Variants in PCDHB1 observed in about 807,000 individuals in gnomAD.
PCDHB1 encodes protocadherin beta 1.
PCDHB1 carries 44 observed loss-of-function variants against 43.5 expected under a neutral mutation model. That is an observed-to-expected ratio of 1.01 (90% confidence interval 0.79 to 1.30). The LOEUF (loss-of-function observed/expected upper bound fraction) is 1.30. Ranked by LOEUF, PCDHB1 falls within the 50% of genes most tolerant of loss-of-function variation. The pLI is 0.00. For synonymous variants in PCDHB1, 392 were observed against 400.8 expected, an observed-to-expected ratio of 0.98 and a Z score of 0.26; for missense variants, 919 against 1,008.9, an observed-to-expected ratio of 0.91 and a Z score of 1.21.
chr5:141,051,703 AC>A lies in PCDHB1; in HGVS notation c.235del (p.Arg79AlafsTer8). ...GGCAACAAAATGCATTTCCGGCTCC[AC>A]CGCAAGACGGGAGATTTGTTTGTGA... is the stretch of plus-strand genomic sequence containing the variant. The part of the protein sequence containing the change: ...SEGNKMHFRL[H>X]RKTGDLFVKE... On this transcript the variant is annotated frameshift_variant, in exon 1 of 1. Transcript: ENST00000306549. LOFTEE classifies it high-confidence loss of function. 1.2e-6 allele frequency: 2 copies of A among 1,614,206 alleles called. No homozygotes were observed. Among genetic ancestry groups the A allele is most frequent in the Non-Finnish European group, 1.7e-6 (2 of 1,180,042 alleles).
chr5:141,051,381 G>A lies in PCDHB1; in HGVS notation c.-90G>A. 3 of 1,394,894 alleles carry A rather than the reference G, an allele frequency of 2.2e-6. No homozygotes were observed. The highest frequency in any genetic ancestry group is 3.0e-6 in the Non-Finnish European group (3 of 1,006,086). The allele number at this position is 1,394,894 out of a possible 1,614,324, so 86.4% of individuals were successfully genotyped here. ...TGCAGTTAGAGGCTAGTGAAGCGGA[G>A]AGCAGCTGTTGCAGTAACCTGTTGC... On this transcript the variant is annotated 5_prime_UTR_variant, in exon 1 of 1. Transcript: ENST00000306549.
Position 141,055,142 on chromosome 5 carries a change from G to T in PCDHB1, c.*1215G>T. On this transcript the variant is annotated 3_prime_UTR_variant, in exon 1 of 1. Coordinates refer to ENST00000306549, the MANE Select transcript of PCDHB1 (RefSeq NM_013340.4). ...GGTGAGGAAAAAAATAAAGTATGAC[G>T]GCTGGGCACCGTGGCTCATGGCTGT... is the stretch of plus-strand genomic sequence containing the variant. 1 of 152,112 alleles carries T rather than the reference G, an allele frequency of 6.6e-6. No homozygotes were observed. Among genetic ancestry groups the T allele is most frequent in the East Asian group, 1.9e-4 (1 of 5,196 alleles). The allele number at this position is 152,112 out of a possible 1,614,324, so 9.4% of individuals were successfully genotyped here.
At position 141,057,766 on chromosome 5, in the gene PCDHB1, A is replaced by C. The variant is rs2154005816; in HGVS notation, c.*3839A>C. ...CAATCCTACCTGATAACTTAAAATA[A>C]GAATATATCAATTCACTGAATGTGA... On this transcript the variant is annotated 3_prime_UTR_variant, in exon 1 of 1. Coordinates refer to ENST00000306549, the MANE Select transcript of PCDHB1 (RefSeq NM_013340.4). The C allele has an allele frequency of 6.6e-6, 1 of 152,278 alleles. No homozygotes were observed. Among genetic ancestry groups the C allele is most frequent in the South Asian group, 2.1e-4 (1 of 4,830 alleles). The allele number at this position is 152,278 out of a possible 1,614,324, so 9.4% of individuals were successfully genotyped here. A position where few individuals can be genotyped will look rare whatever the true frequency, so the allele number is the denominator to read the frequency against.
rs1482403309 is a variant in PCDHB1 at position 141,057,465 on chromosome 5, C to T, written c.*3538C>T. The T allele has an allele frequency of 4.0e-5, 6 of 149,948 alleles. No individual in the cohort carries two copies. Among genetic ancestry groups the T allele is most frequent in the Admixed American group, 2.0e-4 (3 of 15,044 alleles). The allele number at this position is 149,948 out of a possible 1,614,324, so 9.3% of individuals were successfully genotyped here. Reference sequence around the variant, plus strand: ...GCTGAGGCAGGAGAATTGCTTGCACCCAGGAGGTGGAGGTTGCAGTGAGCT... The same window carrying T: ...GCTGAGGCAGGAGAATTGCTTGCACTCAGGAGGTGGAGGTTGCAGTGAGCT... On this transcript the variant is annotated 3_prime_UTR_variant, in exon 1 of 1. Transcript: ENST00000306549.
Position 141,052,760 on chromosome 5 carries a change from T to A in PCDHB1, c.1290T>A (p.Pro430=). Residue 430 remains proline, a synonymous_variant, in exon 1 of 1, where the codon CCT becomes CCA. Transcript: ENST00000306549. ...ITIVAMDTGP[P]SLSAETMIEV... ...TTGTTGCCATGGATACTGGACCACC[T>A]AGCTTGTCTGCCGAGACTATGATAG... The A allele has an allele frequency of 6.2e-7, 1 of 1,614,148 alleles. No homozygotes were observed.
Position 141,051,625 on chromosome 5 carries a change from T to C in PCDHB1, c.155T>C (p.Leu52Pro). The C allele has an allele frequency of 1.2e-6, 2 of 1,614,214 alleles. No homozygotes were observed. Among genetic ancestry groups the C allele is most frequent in the Non-Finnish European group, 1.7e-6 (2 of 1,180,038 alleles). ...GSFVANVAKD[L>P]GLEVGKLAAR... The stretch of plus-strand genomic sequence containing the variant: ...TTTGTGGCCAACGTAGCTAAGGACC[T>C]AGGACTGGAGGTAGGGAAGCTGGCT... Residue 52 changes from leucine (L) to proline (P), a missense_variant, in exon 1 of 1, where the codon CTA becomes CCA. Transcript: ENST00000306549.
chr5:141,053,391 T>TTGA lies in PCDHB1; in HGVS notation c.1923_1925dup (p.Leu641_Ile642insMet). The TTGA allele has an allele frequency of 6.2e-7, 1 of 1,614,198 alleles. No individual in the cohort carries two copies. Among genetic ancestry groups the TTGA allele is most frequent in the African/African-American group, 1.3e-5 (1 of 75,036 alleles). On this transcript the variant is annotated inframe_insertion, in exon 1 of 1. Coordinates refer to ENST00000306549, the MANE Select transcript of PCDHB1 (RefSeq NM_013340.4). ...TGAGAGAGACCCCATGATGCAGAAA[T>TTGA]TGATCATTCTTGTTCAGGATCACGG...
Position 141,058,841 on chromosome 5 carries a change from T to C in PCDHB1, c.*4914T>C, listed in dbSNP as rs1167228030. On this transcript the variant is annotated 3_prime_UTR_variant, in exon 1 of 1. Transcript: ENST00000306549. ...CTTCTGGAAGGAAAACTTGTTACTTTCCCCCCCACTTATTTAGTTAGTTAT... is the reference window on the plus strand; with the variant it reads ...CTTCTGGAAGGAAAACTTGTTACTTCCCCCCCCACTTATTTAGTTAGTTAT... 3 of 151,892 alleles carry C rather than the reference T, an allele frequency of 2.0e-5. No homozygotes were observed. Among genetic ancestry groups the C allele is most frequent in the Non-Finnish European group, 4.4e-5 (3 of 67,944 alleles). The allele number at this position is 151,892 out of a possible 1,614,324, so 9.4% of individuals were successfully genotyped here. A position where few individuals can be genotyped will look rare whatever the true frequency, so the allele number is the denominator to read the frequency against.
rs781946694 is a variant in PCDHB1 at position 141,053,361 on chromosome 5, A to G, written c.1891A>G (p.Ile631Val). 9.3e-6 allele frequency: 15 copies of G among 1,614,088 alleles called. No individual in the cohort carries two copies. The highest frequency in any genetic ancestry group is 5.3e-5 in the African/African-American group (4 of 74,922). Residue 631 changes from isoleucine (I) to valine (V), a missense_variant, in exon 1 of 1, where the codon ATA (isoleucine) becomes GTA (valine). Coordinates refer to ENST00000306549, the MANE Select transcript of PCDHB1 (RefSeq NM_013340.4). ...TGGAGAAATCCATACATTAAGGCAGATATCTGAGAGAGACCCCATGATGCA... is the reference window on the plus strand; with the variant it reads ...TGGAGAAATCCATACATTAAGGCAGGTATCTGAGAGAGACCCCATGATGCA... Reference protein sequence around the residue: ...QNGEIHTLRQISERDPMMQKL... With the variant: ...QNGEIHTLRQVSERDPMMQKL...
rs1554267328 is a variant in PCDHB1 at position 141,052,863 on chromosome 5, AAC to A, written c.1395_1396del (p.Asn465LysfsTer12). ...CTATATCTTGACTGTTCGAGAAAAC[AAC>A]AGTCCTGCGGTTTTTATTGGCAAAG... Reference protein sequence around the residue: ...DSYILTVRENNSPAVFIGKVH... With the variant: ...DSYILTVRENXSPAVFIGKVH... On this transcript the variant is annotated frameshift_variant, in exon 1 of 1. Coordinates refer to ENST00000306549, the MANE Select transcript of PCDHB1 (RefSeq NM_013340.4). LOFTEE classifies it high-confidence loss of function. 1 of 1,614,228 alleles carries A rather than the reference AAC, an allele frequency of 6.2e-7. No individual in the cohort carries two copies. The highest frequency in any genetic ancestry group is 8.5e-7 in the Non-Finnish European group (1 of 1,180,042).
chr5:141,059,157 AATAGAT>A lies in PCDHB1; in HGVS notation c.*5234_*5239del, dbSNP rs1554268017. On this transcript the variant is annotated 3_prime_UTR_variant, in exon 1 of 1. Coordinates refer to ENST00000306549, the MANE Select transcript of PCDHB1 (RefSeq NM_013340.4). The stretch of plus-strand genomic sequence containing the variant: ...ATTTTAAATTAGTCATACATTTTAA[AATAGAT>A]ATAAACTGAAAATTTTAAAATTTGT... 1 of 152,162 alleles carries A rather than the reference AATAGAT, an allele frequency of 6.6e-6. No homozygotes were observed. The highest frequency in any genetic ancestry group is 1.5e-5 in the Non-Finnish European group (1 of 67,992). 9.4% of individuals were successfully genotyped at this position (152,162 alleles called of 1,614,324 possible).
Position 141,052,959 on chromosome 5 carries a change from G to A in PCDHB1, c.1489G>A (p.Gly497Arg), listed in dbSNP as rs782348063. The change falls in exon 1 of 1, where the codon GGA becomes AGA. Residue 497 changes from glycine to arginine, a missense_variant. By Grantham distance (125) the Gly-to-Arg change is moderately radical. Transcript: ENST00000306549. ...ITYSLLPPKN[G>R]DLSVFAYISI... ...ATATTCTCTGTTGCCTCCAAAAAAC[G>A]GAGATCTTTCAGTCTTTGCTTACAT... is the stretch of plus-strand genomic sequence containing the variant. 36 of 1,614,160 alleles carry A rather than the reference G, an allele frequency of 2.2e-5. No homozygotes were observed. The East Asian group carries it at 5.8e-4, about 26-fold the overall frequency.
In PCDHB1 at chr5:141,055,702, TGCAAACTGAGAAAAAGTG is replaced by T. The variant is rs1554267768; in HGVS notation, c.*1779_*1796del. 1 of 152,214 alleles carries T rather than the reference TGCAAACTGAGAAAAAGTG, an allele frequency of 6.6e-6. No individual in the cohort carries two copies. The highest frequency in any genetic ancestry group is 1.5e-5 in the Non-Finnish European group (1 of 68,032). The allele number at this position is 152,214 out of a possible 1,614,324, so 9.4% of individuals were successfully genotyped here. A position where few individuals can be genotyped will look rare whatever the true frequency, so the allele number is the denominator to read the frequency against. ...CTCTGAGTATTCTGAAGTTAACACA[TGCAAACTGAGAAAAAGTG>T]GCATTTTTAGTAAATCATTCATAAA... On this transcript the variant is annotated 3_prime_UTR_variant, in exon 1 of 1. Coordinates refer to ENST00000306549, the MANE Select transcript of PCDHB1 (RefSeq NM_013340.4).
chr5:141,058,245 A>T lies in PCDHB1; in HGVS notation c.*4318A>T. The T allele has an allele frequency of 6.6e-6, 1 of 152,188 alleles. No individual in the cohort carries two copies. The highest frequency in any genetic ancestry group is 1.9e-4 in the East Asian group (1 of 5,198). 9.4% of individuals were successfully genotyped at this position (152,188 alleles called of 1,614,324 possible). A position where few individuals can be genotyped will look rare whatever the true frequency, so the allele number is the denominator to read the frequency against. On this transcript the variant is annotated 3_prime_UTR_variant, in exon 1 of 1. Transcript: ENST00000306549. The stretch of plus-strand genomic sequence containing the variant: ...TGCAAAGCATTTGTTATGGCTCCTT[A>T]GTCTCTACCACCTGTGACAGTTCCT...
At position 141,055,902 on chromosome 5, in the gene PCDHB1, C is replaced by G. The variant is rs1554267775; in HGVS notation, c.*1975C>G. 3 of 152,094 alleles carry G rather than the reference C, an allele frequency of 2.0e-5. No individual in the cohort carries two copies. 9.4% of individuals were successfully genotyped at this position (152,094 alleles called of 1,614,324 possible). On this transcript the variant is annotated 3_prime_UTR_variant, in exon 1 of 1. Coordinates refer to ENST00000306549, the MANE Select transcript of PCDHB1 (RefSeq NM_013340.4). ...ACACTGCTAACTGTGCCTTGAAAGTCAAAAGTTTGCTTTAGAGAAGGGCAT... is the reference window on the plus strand; with the variant it reads ...ACACTGCTAACTGTGCCTTGAAAGTGAAAAGTTTGCTTTAGAGAAGGGCAT...
chr5:141,052,393 A>G lies in PCDHB1; in HGVS notation c.923A>G (p.Asp308Gly). 1 of 1,614,220 alleles carries G rather than the reference A, an allele frequency of 6.2e-7. No homozygotes were observed. The highest frequency in any genetic ancestry group is 8.5e-7 in the Non-Finnish European group (1 of 1,180,028). Reference sequence around the variant, plus strand: ...GAAGTTCGACTAAGAGGACCCCTCGATTTTGAAGCCATTGAAACATACGAC... The same window carrying G: ...GAAGTTCGACTAAGAGGACCCCTCGGTTTTGAAGCCATTGAAACATACGAC... ...NGEVRLRGPL[D>G]FEAIETYDID... The change falls in exon 1 of 1, where the codon GAT (aspartate) becomes GGT (glycine). Residue 308 changes from aspartate (D) to glycine (G), a missense_variant. By Grantham distance (94) the Asp-to-Gly change is moderately conservative. Transcript: ENST00000306549.
In PCDHB1 at chr5:141,058,822, GA is replaced by G; in HGVS notation, c.*4897del. The G allele has an allele frequency of 6.6e-6, 1 of 151,992 alleles. No individual in the cohort carries two copies. The highest frequency in any genetic ancestry group is 3.4e-3 in the Middle Eastern group (1 of 292). 9.4% of individuals were successfully genotyped at this position (151,992 alleles called of 1,614,324 possible). A position where few individuals can be genotyped will look rare whatever the true frequency, so the allele number is the denominator to read the frequency against. On this transcript the variant is annotated 3_prime_UTR_variant, in exon 1 of 1. Transcript: ENST00000306549. ...TTTTACATTAATTAAAATTCTTCTG[GA>G]AGGAAAACTTGTTACTTTCCCCCCC... is the stretch of plus-strand genomic sequence containing the variant.
chr5:141,051,512 G>A lies in PCDHB1; in HGVS notation c.42G>A (p.Val14=). ...TRRKSLQNRQ[V]GSLLIFLCIS... Reference sequence around the variant, plus strand: ...GAAAATCTTTGCAAAACAGGCAAGTGGGATCTCTTCTCATTTTTCTGTGCA... The same window carrying A: ...GAAAATCTTTGCAAAACAGGCAAGTAGGATCTCTTCTCATTTTTCTGTGCA... The change falls in exon 1 of 1, where the codon GTG becomes GTA. Residue 14 remains valine (V), a synonymous_variant. Transcript: ENST00000306549. The A allele has an allele frequency of 6.2e-7, 1 of 1,614,262 alleles. No homozygotes were observed.
rs1751149118 is a variant in PCDHB1 at position 141,057,127 on chromosome 5, C to T, written c.*3200C>T. On this transcript the variant is annotated 3_prime_UTR_variant, in exon 1 of 1. Transcript: ENST00000306549. ...TGAAATTCATGAATACATATATACA[C>T]ACATACACAATGGACAGAAGATGTA... 1 of 152,108 alleles carries T rather than the reference C, an allele frequency of 6.6e-6. No homozygotes were observed. The highest frequency in any genetic ancestry group is 2.4e-5 in the African/African-American group (1 of 41,408). The allele number at this position is 152,108 out of a possible 1,614,324, so 9.4% of individuals were successfully genotyped here. A position where few individuals can be genotyped will look rare whatever the true frequency, so the allele number is the denominator to read the frequency against.
Sources: gnomAD v4.1 joint callset for allele counts on GRCh38, gnomAD v4.1.1 for gene constraint, MANE v1.5 for transcripts, NCBI Gene and HGNC (gene_info 2026-07-23, HGNC 2026-07-21) for gene names.